The following SHISA9 variants were observed in gnomAD, a reference collection of about 807,000 sequenced individuals.
SHISA9 encodes shisa family member 9, also known as protein shisa-9.
In SHISA9, 13 loss-of-function variants were observed where a neutral mutation model predicts 38.0. The observed-to-expected ratio is 0.34, with a 90% CI of 0.22 to 0.54. The LOEUF (loss-of-function observed/expected upper bound fraction) is 0.54. Among genes scored for constraint, SHISA9 ranks in the 20% least tolerant of loss-of-function variants. The pLI, the probability that SHISA9 is intolerant of heterozygous loss-of-function variation, is 0.91. For synonymous variants in SHISA9, 275 were observed against 242.0 expected (o/e 1.14, Z -1.27); for missense variants, 538 against 575.8 (o/e 0.93, Z 0.67).
intron 2 of SHISA9, among the ~76,000 whole-genome samples, chr16:13,045,651 C>G (rs2073179153): frequency 6.6e-6 from 1 of 150,946 alleles, no homozygotes; most frequent in Non-Finnish European, 1.5e-5. Context: ...AAATCAGTAA[C>G]AAAGATATAA....
chr16:13,519,344 CCATGAACCGTAG>C, the SHISA9 span, among the ~76,000 whole-genome samples: 1 of 152,250 alleles, frequency 6.6e-6, no homozygotes, highest in African/African-American at 2.4e-5. Context: ...GGTAATTCCA[CCATGAACCGTAG>C]CAATTGATGA....
At chr16:13,468,663 C>T in the SHISA9 span, among the ~76,000 whole-genome samples, 1 of 152,074 alleles carries the variant, frequency 6.6e-6, no homozygotes, top group African/African-American at 2.4e-5. Context: ...AATCTGTAGA[C>T]TGGTCCTCAA....
intron 2 of SHISA9, among the ~76,000 whole-genome samples, chr16:13,162,374 C>G (rs1023615178): frequency 1.3e-5 from 2 of 152,108 alleles, no homozygotes; most frequent in African/African-American, 4.8e-5. Flanking sequence ...CATTAAGGTA[C>G]AAATTAAACA....
chr16:13,196,578 A>G (rs963628211), intron 2 of SHISA9, among the ~76,000 whole-genome samples: 4 of 152,214 alleles, frequency 2.6e-5, no homozygotes, highest in Non-Finnish European at 5.9e-5. Flanking sequence ...TTTGAAACAG[A>G]AAAGATGGAC....
intron 2 of SHISA9, among the ~76,000 whole-genome samples, chr16:13,019,426 C>T (rs1260633350): frequency 6.6e-6 from 1 of 151,992 alleles, no homozygotes; most frequent in Non-Finnish European, 1.5e-5. Context: ...CCTCATGTGG[C>T]CTTTCCTCAG....
the SHISA9 span, among the ~76,000 whole-genome samples, chr16:13,501,804 C>G: frequency 2.0e-5 from 3 of 152,068 alleles, no homozygotes; most frequent in Admixed American, 2.0e-4. Flanking sequence ...GAGTTGGAGA[C>G]CAGCCTGACC....
At chr16:13,370,316 C>T in the SHISA9 span, among the ~76,000 whole-genome samples, 3 of 152,070 alleles carry the variant, frequency 2.0e-5, no homozygotes, top group Non-Finnish European at 4.4e-5. Context: ...AGTCAATGGC[C>T]CTTAAGGAAA....
the SHISA9 span, among the ~76,000 whole-genome samples, chr16:13,438,488 AT>A: frequency 3.3e-5 from 5 of 152,212 alleles, no homozygotes; most frequent in Admixed American, 6.5e-5. Context: ...TAATCATTTT[AT>A]TTTGTACATA....
intron 4 of SHISA9, among the ~76,000 whole-genome samples, chr16:13,214,566 C>G (rs946114987): frequency 2.0e-5 from 3 of 152,052 alleles, no homozygotes; most frequent in African/African-American, 7.2e-5. Flanking sequence ...AGGATATCAG[C>G]AAGAAACTGG....
intron 2 of SHISA9, among the ~76,000 whole-genome samples, chr16:13,130,990 AAGGAATGCTTTTACAC>A (rs1485457893): frequency 7.9e-5 from 12 of 152,292 alleles, no homozygotes; most frequent in Middle Eastern, 3.4e-3. Flanking sequence ...TGTGGAGAAA[AAGGAATGCTTTTACAC>A]TGTTGTGGGA....
rs967917660 is a variant in SHISA9 at position 13,057,198 on chromosome 16, C to T, written c.691+140383C>T. Among the ~76,000 whole-genome samples the T allele has an allele frequency of 1.1e-4, 17 of 152,276 alleles. 1 individual carries two copies. The highest frequency in any genetic ancestry group is 3.6e-4 in the African/African-American group (15 of 41,556). ...GGGCCAGTCCTCCAGCTGTGGCAGC[C>T]TCCAGGGAGCCGAACAATAGAACGT... On this transcript the variant is annotated intron_variant, in intron 2 of 4. Transcript: ENST00000558583.
Position 13,004,412 on chromosome 16 carries a change from C to T in SHISA9, c.691+87597C>T, listed in dbSNP as rs532747270. 3.9e-5 allele frequency among the ~76,000 whole-genome samples: 6 copies of T among 152,288 alleles called. No homozygotes were observed. In the South Asian group the frequency reaches 1.0e-3, roughly 26 times the overall value. On this transcript the variant is annotated intron_variant, in intron 2 of 4. Coordinates refer to ENST00000558583, the MANE Select transcript of SHISA9 (RefSeq NM_001145204.3). ...ATGAAGCCACAGAAGTGGACAGTAT[C>T]GGTTCATGCTCTCTTTTTGAGCAAG...
chr16:13,193,843 T>C (rs1798864639), intron 2 of SHISA9, among the ~76,000 whole-genome samples: 1 of 151,970 alleles, frequency 6.6e-6, no homozygotes, highest in Non-Finnish European at 1.5e-5. Flanking sequence ...TATTGGGGAG[T>C]GCCAACCAGG....
chr16:13,288,553 T>G, the SHISA9 span, among the ~76,000 whole-genome samples: 41 of 152,184 alleles, frequency 2.7e-4, no homozygotes, highest in African/African-American at 9.6e-4. Context: ...CCCAGCATTT[T>G]GGGAGGCTGA....
chr16:13,256,557 G>C, the SHISA9 span, among the ~76,000 whole-genome samples: 9 of 152,212 alleles, frequency 5.9e-5, no homozygotes, highest in Non-Finnish European at 1.5e-5. Flanking sequence ...TGGGATTACA[G>C]GCGTGAGCCA....
chr16:13,532,860 A>G, the SHISA9 span, among the ~76,000 whole-genome samples: 6 of 152,002 alleles, frequency 3.9e-5, no homozygotes, highest in Non-Finnish European at 8.8e-5. Context: ...GTCCCCTGCT[A>G]TTCCTGTCTT....
chr16:13,422,057 C>T, the SHISA9 span, among the ~76,000 whole-genome samples: 2 of 152,166 alleles, frequency 1.3e-5, no homozygotes, highest in African/African-American at 2.4e-5. Flanking sequence ...AATCACTACA[C>T]AAGTGGAGCT....
intron 2 of SHISA9, among the ~76,000 whole-genome samples, chr16:13,083,552 G>C (rs2073677573): frequency 6.6e-6 from 1 of 152,162 alleles, no homozygotes; most frequent in African/African-American, 2.4e-5. Context: ...AAGGAGACCA[G>C]CTAGGTCAGC....
At chr16:13,324,071 T>A in the SHISA9 span, among the ~76,000 whole-genome samples, 1 of 152,210 alleles carries the variant, frequency 6.6e-6, no homozygotes, top group Non-Finnish European at 1.5e-5. Context: ...CTCCCTCTCG[T>A]GCCATCGATG....
Sources: gnomAD v4.1 joint callset for allele counts (sites outside exome capture counted in the v4.1 genomes callset) on GRCh38, gnomAD v4.1.1 for gene constraint, MANE v1.5 for transcripts, NCBI Gene and HGNC (gene_info 2026-07-23, HGNC 2026-07-21) for gene names.